The following ZNF536 variants were observed in gnomAD, a reference collection of about 807,000 sequenced individuals.
The protein encoded by ZNF536 is zinc finger protein 536.
In ZNF536, 13 loss-of-function variants were observed where a neutral mutation model predicts 84.5. The ratio of observed to expected loss-of-function variants is 0.15; its 90% CI spans 0.10 to 0.24. The LOEUF is 0.24. Ranked by LOEUF, ZNF536 falls within the 10% of genes least tolerant of loss-of-function variation. The pLI is 1.00. For synonymous variants in ZNF536, 811 were observed against 742.5 expected, an observed-to-expected ratio of 1.09 and a Z score of -1.50; for missense variants, 1,536 against 1,747.5, an observed-to-expected ratio of 0.88 and a Z score of 2.16.
chr19:30,504,060 TAAAG>T (rs1703921058), intron 2 of ZNF536, among the ~76,000 whole-genome samples: 1 of 152,088 alleles, frequency 6.6e-6, no homozygotes, highest in South Asian at 2.1e-4. Context: ...AACAAATCAA[TAAAG>T]AAAATAATAC....
intron 1 of ZNF536, among the ~76,000 whole-genome samples, chr19:30,239,082 A>C (rs2023752089): frequency 1.3e-5 from 2 of 152,174 alleles, no homozygotes; most frequent in South Asian, 4.1e-4. Context: ...CCCTCACCAG[A>C]GGGTATCCCA....
At chr19:30,471,979 C>A (rs1219034128) in intron 2 of ZNF536, among the ~76,000 whole-genome samples, 1 of 152,090 alleles carries the variant, frequency 6.6e-6, no homozygotes, top group Non-Finnish European at 1.5e-5. Context: ...GCTGGGCAAA[C>A]CGAGGAGCTC....
chr19:30,297,277 G>A (rs1444144869), intron 2 of ZNF536, among the ~76,000 whole-genome samples: 4 of 152,140 alleles, frequency 2.6e-5, no homozygotes, highest in Non-Finnish European at 5.9e-5. Context: ...TCTAAAAAAG[G>A]TTCATATGGT....
At chr19:30,552,078 G>A (rs558217995) in intron 4 of ZNF536, among the ~76,000 whole-genome samples, 10 of 152,152 alleles carry the variant, frequency 6.6e-5, no homozygotes, top group Admixed American at 3.3e-4. Context: ...TTTTAGCATG[G>A]CAAGAAGCAC....
chr19:30,549,349 C>G lies in ZNF536; in HGVS notation c.3730C>G (p.Pro1244Ala), dbSNP rs2045685599. The change falls in exon 4 of 5, where the codon CCC (proline) becomes GCC (alanine). Residue 1244 changes from proline to alanine, a missense_variant. Physicochemically the swap from Pro to Ala is conservative, Grantham distance 27. Transcript: ENST00000355537. ...CCAGGGTCTTCTCCAAGCCCAGGAC[C>G]CCTTGGCGGGCCTGCCAAAGCCGGA... ...HSQGLLQAQD[P>A]LAGLPKPERG... 1 of 1,604,614 alleles carries G rather than the reference C, an allele frequency of 6.2e-7. No homozygotes were observed. Among genetic ancestry groups the G allele is most frequent in the South Asian group, 1.1e-5 (1 of 89,786 alleles).
At chr19:30,288,316 C>G (rs144331811) in intron 2 of ZNF536, among the ~76,000 whole-genome samples, 4,540 of 152,154 alleles carry the variant, frequency 0.03, 268 homozygotes, top group Admixed American at 0.15. Flanking sequence ...TTTGTGTGTC[C>G]TCTTCAGCCC....
chr19:30,367,620 C>A (rs1274917049), upstream of ZNF536, among the ~76,000 whole-genome samples: 1 of 152,150 alleles, frequency 6.6e-6, no homozygotes, highest in African/African-American at 2.4e-5. Flanking sequence ...CCTTCAATGC[C>A]CATTTGATTC....
chr19:30,657,040 G>A (rs1306364291), intron 1 of ZNF536, among the ~76,000 whole-genome samples: 5 of 152,246 alleles, frequency 3.3e-5, no homozygotes, highest in East Asian at 3.9e-4. Flanking sequence ...TATTTCATCC[G>A]AAACCACAGA....
intron 1 of ZNF536, among the ~76,000 whole-genome samples, chr19:30,627,753 C>T (rs1007304438): frequency 2.0e-5 from 3 of 152,194 alleles, no homozygotes; most frequent in African/African-American, 7.2e-5. Context: ...AATTTTCCTG[C>T]GTTGACCTTC....
At chr19:30,305,167 A>G (rs961933148) in intron 2 of ZNF536, among the ~76,000 whole-genome samples, 3 of 152,132 alleles carry the variant, frequency 2.0e-5, no homozygotes, top group African/African-American at 7.2e-5. Flanking sequence ...AATGGACTGG[A>G]CAGTGTGAGT....
rs572921769 is a variant in ZNF536 at position 30,353,533 on chromosome 19, C to G, written c.-3+1049C>G. On this transcript the variant is annotated intron_variant, in intron 3 of 5. Transcript: ENST00000585628. ...TCCATCAGTGGATGAGCAGCCCCCC[C>G]CTGGCACCGGTGACTTCTCAGAGCA... is the stretch of plus-strand genomic sequence containing the variant. Among the ~76,000 whole-genome samples the G allele has an allele frequency of 9.9e-4, 150 of 151,972 alleles. 1 individual carries two copies. Among genetic ancestry groups the G allele is most frequent in the African/African-American group, 3.1e-3 (127 of 41,308 alleles).
chr19:30,602,884 G>A (rs147293178), intron 1 of ZNF536, among the ~76,000 whole-genome samples: 145 of 152,314 alleles, frequency 9.5e-4, no homozygotes, highest in Admixed American at 5.1e-3. Flanking sequence ...TTGAAAAGCT[G>A]CTTAAAAATA....
chr19:30,505,343 A>C (rs1258981062), intron 2 of ZNF536, among the ~76,000 whole-genome samples: 2 of 144,970 alleles, frequency 1.4e-5, no homozygotes, highest in African/African-American at 5.0e-5. Context: ...ATATTTTATG[A>C]TAATAAATAT....
At chr19:30,341,406 T>C (rs1269647883) in intron 2 of ZNF536, among the ~76,000 whole-genome samples, 1 of 152,250 alleles carries the variant, frequency 6.6e-6, no homozygotes, top group Admixed American at 6.5e-5. Flanking sequence ...ATCTTTTTAG[T>C]GAAATCATTT....
chr19:30,439,959 C>CTTTTTTTTTTTTTTTT (rs199638233), intron 1 of ZNF536, among the ~76,000 whole-genome samples: 5 of 96,396 alleles, frequency 5.2e-5, no homozygotes, highest in Non-Finnish European at 8.0e-5. Context: ...TTCTTTCTTT[C>CTTTTTTTTTTTTTTTT]TTTTTTTTTT....
At chr19:30,656,254 G>C (rs56748743) in intron 1 of ZNF536, among the ~76,000 whole-genome samples, 3,087 of 152,196 alleles carry the variant, frequency 0.02, 101 homozygotes, top group African/African-American at 0.071. Flanking sequence ...TAACAGCTGT[G>C]CTTTATATGA....
intron 1 of ZNF536, among the ~76,000 whole-genome samples, chr19:30,241,994 C>G (rs980638245): frequency 9.9e-4 from 150 of 151,926 alleles, no homozygotes; most frequent in African/African-American, 3.5e-3. Context: ...ATCTTGGTGG[C>G]GCGATCTTTC....
At chr19:30,635,067 G>GGTGT (rs10693532) in intron 1 of ZNF536, among the ~76,000 whole-genome samples, 2,323 of 150,252 alleles carry the variant, frequency 0.015, 35 homozygotes, top group African/African-American at 0.036. Flanking sequence ...AAGAAAGCTG[G>GGTGT]GTGTGTGTGT....
Position 30,449,964 on chromosome 19 carries a change from C to G in ZNF536, c.2170+4232C>G, listed in dbSNP as rs144656415. Among the ~76,000 whole-genome samples the G allele has an allele frequency of 1.7e-4, 26 of 152,172 alleles. No individual in the cohort carries two copies. In the East Asian group the frequency reaches 5.0e-3, roughly 29 times the overall value. ...TCTCATGTGGCTCCCCCTCCCTGCC[C>G]CCGTTCACGATAACCGGTGCCTGCT... is the stretch of plus-strand genomic sequence containing the variant. On this transcript the variant is annotated intron_variant, in intron 2 of 4. Coordinates refer to ENST00000355537, the MANE Select transcript of ZNF536 (RefSeq NM_014717.3).
Sources: gnomAD v4.1 joint callset for allele counts (sites outside exome capture counted in the v4.1 genomes callset) on GRCh38, gnomAD v4.1.1 for gene constraint, MANE v1.5 for transcripts, NCBI Gene and HGNC (gene_info 2026-07-23, HGNC 2026-07-21) for gene names.